The following WWOX variants were observed in gnomAD, a reference collection of about 807,000 sequenced individuals.
The protein encoded by WWOX is WW domain containing oxidoreductase, also known as WW domain-containing oxidoreductase.
Under a neutral mutation model 46.2 loss-of-function variants are expected in WWOX, and 69 were observed. The ratio of observed to expected loss-of-function variants is 1.49; its 90% confidence interval spans 1.23 to 1.82. The LOEUF (loss-of-function observed/expected upper bound fraction) is 1.82, where lower values mean the gene tolerates loss of function less well. Ranked by LOEUF, WWOX falls within the 40% of genes most tolerant of loss-of-function variation. WWOX has a pLI of 0.00. For missense variants in WWOX, 919 were observed against 542.6 expected (o/e 1.69, Z -6.89); for synonymous variants, 359 against 202.6 (o/e 1.77, Z -6.56).
chr16:78,591,082 G>A (rs2045339937), intron 8 of WWOX, among the ~76,000 whole-genome samples: 1 of 152,192 alleles, frequency 6.6e-6, no homozygotes, highest in African/African-American at 2.4e-5. Context: ...GGTGAGAGGT[G>A]ACATGCCATG....
intron 8 of WWOX, among the ~76,000 whole-genome samples, chr16:78,942,763 G>C (rs1181296604): frequency 6.6e-6 from 1 of 152,168 alleles, no homozygotes; most frequent in African/African-American, 2.4e-5. Flanking sequence ...TCATTGTGCA[G>C]GCAAACATGA....
chr16:78,950,715 T>C (rs982201449), intron 8 of WWOX, among the ~76,000 whole-genome samples: 40 of 152,230 alleles, frequency 2.6e-4, no homozygotes, highest in African/African-American at 9.6e-4. Context: ...TGGTTTCTCT[T>C]AGACACTCAC....
intron 8 of WWOX, among the ~76,000 whole-genome samples, chr16:79,076,993 A>G (rs2048669264): frequency 6.6e-6 from 1 of 152,160 alleles, no homozygotes; most frequent in Admixed American, 6.5e-5. Context: ...ATTAGGTTGA[A>G]CTGTATGAAA....
intron 8 of WWOX, among the ~76,000 whole-genome samples, chr16:79,019,598 C>G (rs2151383893): frequency 6.6e-6 from 1 of 152,126 alleles, no homozygotes; most frequent in Non-Finnish European, 1.5e-5. Flanking sequence ...AGAAAGCAAG[C>G]AAGCTGGTAT....
At chr16:78,169,955 A>G (rs1005857911) in intron 5 of WWOX, among the ~76,000 whole-genome samples, 1 of 152,200 alleles carries the variant, frequency 6.6e-6, no homozygotes, top group Non-Finnish European at 1.5e-5. Flanking sequence ...GTTGTGAAAC[A>G]TCAGCATCTG....
At chr16:79,088,341 G>A (rs921260810) in intron 8 of WWOX, among the ~76,000 whole-genome samples, 6 of 152,172 alleles carry the variant, frequency 3.9e-5, no homozygotes, top group African/African-American at 1.2e-4. Context: ...CAAAATCCAT[G>A]TAGCGGCAGG....
At chr16:79,115,958 CA>C (rs944286936) in intron 8 of WWOX, among the ~76,000 whole-genome samples, 9 of 152,138 alleles carry the variant, frequency 5.9e-5, no homozygotes, top group South Asian at 2.1e-4. Flanking sequence ...CACAATAAAG[CA>C]AATATCTCAA....
chr16:78,671,292 G>A (rs1242204495), intron 8 of WWOX, among the ~76,000 whole-genome samples: 1 of 152,142 alleles, frequency 6.6e-6, no homozygotes, highest in Non-Finnish European at 1.5e-5. Flanking sequence ...GGGTGTGGTG[G>A]GGCATGCCTG....
At chr16:78,924,610 A>T (rs1018093509) in intron 8 of WWOX, among the ~76,000 whole-genome samples, 1 of 152,208 alleles carries the variant, frequency 6.6e-6, no homozygotes, top group Admixed American at 6.5e-5. Flanking sequence ...AACATATATC[A>T]GAGTCCTTTT....
rs1311573825 is a variant in WWOX, at chr16:78,254,076, C to CTT, written c.516+89796_516+89797dup. On this transcript the variant is annotated intron_variant, in intron 5 of 8. Coordinates refer to ENST00000566780, the MANE Select transcript of WWOX (RefSeq NM_016373.4). ...TTAATGTCTTTCGTGAAGAATTCTT[C>CTT]TTTTTTTTTTCTGAGACAATGAGTT... 1.1e-3 allele frequency among the ~76,000 whole-genome samples: 161 copies of CTT among 149,478 alleles called. 1 individual carries two copies. Among genetic ancestry groups the CTT allele is most frequent in the African/African-American group, 3.5e-3 (144 of 40,734 alleles).
At chr16:78,486,559 A>AGTTTTGTTTTGTTTTGTTTT (rs541455368) in intron 8 of WWOX, among the ~76,000 whole-genome samples, 1,788 of 137,648 alleles carry the variant, frequency 0.013, 18 homozygotes, top group African/African-American at 0.021. Context: ...ATTGACTTCC[A>AGTTTTGTTTTGTTTTGTTTT]GTTTTGTTTT....
chr16:78,476,771 C>G (rs1284912692), intron 8 of WWOX, among the ~76,000 whole-genome samples: 2 of 152,170 alleles, frequency 1.3e-5, no homozygotes, highest in African/African-American at 4.8e-5. Flanking sequence ...AAATGCATAT[C>G]TCTAAGGGCT....
chr16:78,552,634 T>C (rs1877273), intron 8 of WWOX: 122,632 of 152,246 alleles, frequency 0.81, 51,394 homozygotes, highest in East Asian at 1. Flanking sequence ...GTCTTTCTCA[T>C]GCATATCCCC....
At chr16:78,696,148 C>T (rs78271279) in intron 8 of WWOX, among the ~76,000 whole-genome samples, 9,340 of 152,182 alleles carry the variant, frequency 0.061, 959 homozygotes, top group African/African-American at 0.21. Flanking sequence ...ATCAGAAATA[C>T]GGTGTCCCTG....
At chr16:78,708,222 G>C (rs983100735) in intron 8 of WWOX, among the ~76,000 whole-genome samples, 1 of 152,032 alleles carries the variant, frequency 6.6e-6, no homozygotes, top group Non-Finnish European at 1.5e-5. Context: ...CAGGACACCT[G>C]GTTAAATGTG....
intron 8 of WWOX, among the ~76,000 whole-genome samples, chr16:78,877,744 G>C (rs983294011): frequency 1.8e-4 from 27 of 152,138 alleles, no homozygotes; most frequent in African/African-American, 6.5e-4. Context: ...CCTAGAGGAA[G>C]GCTTAGCACG....
chr16:79,071,967 C>T (rs552971637), intron 8 of WWOX, among the ~76,000 whole-genome samples: 5 of 152,188 alleles, frequency 3.3e-5, no homozygotes, highest in South Asian at 2.1e-4. Flanking sequence ...TTCGTTTACT[C>T]GTTCTTTTTT....
chr16:79,150,797 G>C (rs901558450), intron 8 of WWOX, among the ~76,000 whole-genome samples: 3 of 152,142 alleles, frequency 2.0e-5, no homozygotes, highest in Non-Finnish European at 4.4e-5. Flanking sequence ...GTGTGTCACT[G>C]CATCCAGCTT....
At chr16:78,552,305 G>A (rs2044193556) in intron 8 of WWOX, 3 of 152,176 alleles carry the variant, frequency 2.0e-5, no homozygotes. Context: ...CATACGGGGT[G>A]TTTTATTTGG....
Sources: gnomAD v4.1 joint callset for allele counts (sites outside exome capture counted in the v4.1 genomes callset) on GRCh38, gnomAD v4.1.1 for gene constraint, MANE v1.5 for transcripts, NCBI Gene and HGNC (gene_info 2026-07-23, HGNC 2026-07-21) for gene names.